Variants in LINGO2 observed in about 807,000 individuals in gnomAD.
The protein encoded by LINGO2 is leucine-rich repeat and immunoglobulin-like domain-containing nogo receptor-interacting protein 2.
LINGO2 carries 14 observed loss-of-function variants against 30.6 expected under a neutral mutation model. The ratio of observed to expected loss-of-function variants is 0.46; its 90% confidence interval spans 0.30 to 0.72. LINGO2 has a LOEUF of 0.72. Ranked by LOEUF, LINGO2 falls within the 30% of genes least tolerant of loss-of-function variation. LINGO2 has a pLI of 0.07. For missense variants in LINGO2, 729 were observed against 751.7 expected (o/e 0.97, Z 0.35); for synonymous variants, 317 against 288.5 (o/e 1.10, Z -1.00).
rs570746815 is a variant in LINGO2, at chr9:28,038,095, CTCT to C, written c.-86-25693_-86-25691del. 3.3e-5 allele frequency among the ~76,000 whole-genome samples: 5 copies of C among 152,300 alleles called. No homozygotes were observed. The South Asian group carries it at 6.2e-4, about 19-fold the overall frequency. ...TTTAATAAGATTTTATGAAAGTTGG[CTCT>C]TCTTAGATAATTCTGAAAAATGAGT... On this transcript the variant is annotated intron_variant, in intron 4 of 5. Transcript: ENST00000379992.
intron 1 of LINGO2, among the ~76,000 whole-genome samples, chr9:28,661,891 G>C (rs570648588): frequency 1.3e-5 from 2 of 152,184 alleles, no homozygotes; most frequent in African/African-American, 2.4e-5. Context: ...AAGAGAACAG[G>C]GGTGGCAGGA....
At chr9:28,474,413 A>AG (rs1261516873) in intron 2 of LINGO2, among the ~76,000 whole-genome samples, 1 of 26,936 alleles carries the variant, frequency 3.7e-5, no homozygotes, top group African/African-American at 7.0e-5. Context: ...AAGAGACATA[A>AG]AAAAACTTGA....
At chr9:28,976,132 A>G in the LINGO2 span, among the ~76,000 whole-genome samples, 1 of 152,198 alleles carries the variant, frequency 6.6e-6, no homozygotes, top group Admixed American at 6.5e-5. Flanking sequence ...TTATCAGAGG[A>G]TAAATAGATG....
At chr9:28,037,428 C>T (rs1480320287) in intron 4 of LINGO2, among the ~76,000 whole-genome samples, 1 of 152,118 alleles carries the variant, frequency 6.6e-6, no homozygotes, top group Non-Finnish European at 1.5e-5. Flanking sequence ...TCCTGTTGGG[C>T]TGCTATTCAT....
At chr9:28,848,228 T>C in the LINGO2 span, among the ~76,000 whole-genome samples, 1 of 100,978 alleles carries the variant, frequency 9.9e-6, no homozygotes, top group African/African-American at 5.8e-5. Context: ...ATACGCATAG[T>C]GTATATATAC....
At chr9:28,092,447 C>CA (rs1826121375) in intron 4 of LINGO2, among the ~76,000 whole-genome samples, 1 of 147,520 alleles carries the variant, frequency 6.8e-6, no homozygotes, top group Admixed American at 7.0e-5. Context: ...GTCGCAAGGA[C>CA]AAAAAACCAA....
At chr9:29,037,051 C>T in the LINGO2 span, among the ~76,000 whole-genome samples, 2 of 151,714 alleles carry the variant, frequency 1.3e-5, no homozygotes, top group African/African-American at 4.8e-5. Context: ...TTTCCAGTGA[C>T]GTTCATCTAT....
the LINGO2 span, among the ~76,000 whole-genome samples, chr9:29,120,922 T>C: frequency 2.0e-5 from 3 of 152,134 alleles, no homozygotes; most frequent in Non-Finnish European, 2.9e-5. Flanking sequence ...TAATAAGTGG[T>C]CAGTAAATGT....
At chr9:27,970,519 G>A (rs1031566496) in intron 5 of LINGO2, among the ~76,000 whole-genome samples, 3 of 152,144 alleles carry the variant, frequency 2.0e-5, no homozygotes, top group African/African-American at 7.2e-5. Flanking sequence ...GCATTGTCAT[G>A]TTTACAGCTA....
At chr9:28,821,251 G>C in the LINGO2 span, among the ~76,000 whole-genome samples, 1 of 152,238 alleles carries the variant, frequency 6.6e-6, no homozygotes, top group African/African-American at 2.4e-5. Flanking sequence ...GTTAGACTCT[G>C]ATAGAATGTT....
chr9:29,036,403 C>G, the LINGO2 span, among the ~76,000 whole-genome samples: 1 of 151,238 alleles, frequency 6.6e-6, no homozygotes, highest in South Asian at 2.1e-4. Context: ...TCAAAGAAAC[C>G]AGAAGAAAAA....
intron 1 of LINGO2, among the ~76,000 whole-genome samples, chr9:28,557,903 A>G (rs1328655357): frequency 6.7e-6 from 1 of 149,984 alleles, no homozygotes; most frequent in African/African-American, 2.4e-5. Flanking sequence ...AGGACAAAAA[A>G]CCAAACACCA....
chr9:28,262,246 C>T (rs1822589481), intron 4 of LINGO2, among the ~76,000 whole-genome samples: 2 of 143,482 alleles, frequency 1.4e-5, no homozygotes, highest in South Asian at 4.4e-4. Flanking sequence ...GTACTTGACA[C>T]CTACTAGTCC....
chr9:28,586,918 G>T (rs1423513438), intron 1 of LINGO2, among the ~76,000 whole-genome samples: 4 of 151,978 alleles, frequency 2.6e-5, no homozygotes, highest in African/African-American at 9.7e-5. Context: ...CCATTCAGGG[G>T]CTTTTCAAAG....
the LINGO2 span, among the ~76,000 whole-genome samples, chr9:28,736,108 GCAA>G: frequency 6.6e-6 from 1 of 152,174 alleles, no homozygotes; most frequent in African/African-American, 2.4e-5. Flanking sequence ...TCTAGCTAAA[GCAA>G]TTAAACAGAA....
intron 2 of LINGO2, among the ~76,000 whole-genome samples, chr9:28,392,526 G>C (rs1250334115): frequency 6.6e-6 from 1 of 152,276 alleles, no homozygotes; most frequent in Non-Finnish European, 1.5e-5. Flanking sequence ...GGCAAGGTAT[G>C]GGAGAGCAGC....
At position 28,275,625 on chromosome 9, in the gene LINGO2, G is replaced by A. The variant is rs146950759; in HGVS notation, c.-87+19583C>T. Among the ~76,000 whole-genome samples, 194 of 152,158 alleles carry A rather than the reference G, an allele frequency of 1.3e-3. 2 individuals carry two copies. The highest frequency in any genetic ancestry group is 4.5e-3 in the African/African-American group (187 of 41,512). On this transcript the variant is annotated intron_variant, in intron 4 of 5. Transcript: ENST00000379992. ...ATATTATCTCTTACAGCCTTAACAT[G>A]GTGAGGCAAAACACTTAAGTATATG...
chr9:28,756,594 T>C, the LINGO2 span, among the ~76,000 whole-genome samples: 1 of 151,976 alleles, frequency 6.6e-6, no homozygotes, highest in Non-Finnish European at 1.5e-5. Flanking sequence ...CATTGCAAAT[T>C]GTAATCCCCA....
At chr9:28,756,872 T>C in the LINGO2 span, among the ~76,000 whole-genome samples, 5 of 151,914 alleles carry the variant, frequency 3.3e-5, no homozygotes, top group African/African-American at 1.2e-4. Flanking sequence ...CTTTTTTTTT[T>C]CTTCGAATAA....
Sources: allele counts gnomAD v4.1 joint callset (sites outside exome capture counted in the v4.1 genomes callset), GRCh38; gene constraint gnomAD v4.1.1; transcripts MANE v1.5; gene names NCBI Gene and HGNC (gene_info 2026-07-23, HGNC 2026-07-21).